DMD: variants seen among roughly 807,000 people sequenced by gnomAD.
DMD encodes the protein dystrophin.
A neutral mutation model predicts 330.1 loss-of-function variants in DMD; 63 were observed. That is an observed-to-expected ratio of 0.19 (90% CI 0.16 to 0.24). DMD has a LOEUF of 0.24. DMD is among the 10% of genes least tolerant of loss of function. The pLI is 1.00. For missense variants in DMD, 3,344 were observed against 2,684.1 expected, an observed-to-expected ratio of 1.25 and a Z score of -5.43; for synonymous variants, 1,223 against 959.8, an observed-to-expected ratio of 1.27 and a Z score of -5.07.
At chrX:32,518,527 C>A (rs1296505192) in intron 17 of DMD, among the ~76,000 whole-genome samples, 1 of 110,923 alleles carries the variant, frequency 9.0e-6, no homozygotes, top group Non-Finnish European at 1.9e-5. Flanking sequence ...ACATGCTTTT[C>A]TGTAGTCTCC....
At chrX:31,927,912 G>C (rs750240847) in intron 47 of DMD, among the ~76,000 whole-genome samples, 11 of 111,681 alleles carry the variant, frequency 9.8e-5, no homozygotes, top group South Asian at 7.4e-4. Flanking sequence ...ATCCTGGAAG[G>C]CTTTATGTAA....
At chrX:32,903,382 G>A (rs1189257304) in intron 2 of DMD, among the ~76,000 whole-genome samples, 7 of 110,039 alleles carry the variant, frequency 6.4e-5, no homozygotes, top group Non-Finnish European at 1.3e-4. Context: ...TACAGCAGAG[G>A]AGGCGAGGTA....
intron 9 of DMD, among the ~76,000 whole-genome samples, chrX:32,686,559 C>CAAAAAAAAAAAAAA (rs750534167): frequency 1.7e-4 from 5 of 28,573 alleles, no homozygotes; most frequent in African/African-American, 4.0e-4. Context: ...AACTCCATCT[C>CAAAAAAAAAAAAAA]AAAAAAAAAA....
chrX:32,335,992 GTGTATATATAACGTTATATATAAC>G (rs2097711242), intron 41 of DMD, among the ~76,000 whole-genome samples: 3 of 27,637 alleles, frequency 1.1e-4, no homozygotes, highest in Admixed American at 5.7e-4. Flanking sequence ...TATATATAAC[GTGTATATATAACGTTATATATAAC>G]GTGTATATAT....
At chrX:32,486,638 G>T (rs946365916) in intron 20 of DMD, among the ~76,000 whole-genome samples, 1 of 108,479 alleles carries the variant, frequency 9.2e-6, no homozygotes, top group Non-Finnish European at 1.9e-5. Flanking sequence ...GCATGGTACT[G>T]GTACCAAAAC....
intron 1 of DMD, among the ~76,000 whole-genome samples, chrX:33,160,254 G>A (rs2048706766): frequency 9.0e-6 from 1 of 111,616 alleles, no homozygotes; most frequent in Non-Finnish European, 1.9e-5. Flanking sequence ...AAATTATGGT[G>A]GGTTTATTGG....
chrX:32,247,983 T>C (rs990242291), intron 43 of DMD, among the ~76,000 whole-genome samples: 4 of 111,787 alleles, frequency 3.6e-5, no homozygotes, highest in African/African-American at 1.3e-4. Context: ...AAGATGTATA[T>C]TTAAATGAGA....
intron 48 of DMD, among the ~76,000 whole-genome samples, chrX:31,874,191 T>C (rs2093933947): frequency 1.8e-5 from 2 of 110,796 alleles, no homozygotes; most frequent in Non-Finnish European, 3.8e-5. Flanking sequence ...TGGAAGAAAA[T>C]TCATTATATC....
intron 1 of DMD, among the ~76,000 whole-genome samples, chrX:33,234,805 A>G (rs769333556): frequency 8.9e-6 from 1 of 111,813 alleles, no homozygotes; most frequent in African/African-American, 3.3e-5. Context: ...CTAAGTCAGA[A>G]GTCTATTGGG....
chrX:31,731,700 C>T (rs2086514868), intron 51 of DMD, among the ~76,000 whole-genome samples: 1 of 111,384 alleles, frequency 9.0e-6, no homozygotes, highest in Non-Finnish European at 1.9e-5. Flanking sequence ...TCGTGCTTTT[C>T]GATACTTGGA....
At chrX:32,945,752 C>CTTTTTCATAACTAAAAAGTATTGTATAT (rs2090761390) in intron 2 of DMD, among the ~76,000 whole-genome samples, 1 of 111,426 alleles carries the variant, frequency 9.0e-6, no homozygotes, top group African/African-American at 3.2e-5. Flanking sequence ...TTTATCAATA[C>CTTTTTCATAACTAAAAAGTATTGTATAT]TTTTTCATAA....
intron 63 of DMD, among the ~76,000 whole-genome samples, chrX:31,245,973 T>C (rs1225303778): frequency 8.9e-6 from 1 of 111,986 alleles, no homozygotes; most frequent in East Asian, 2.8e-4. Flanking sequence ...ATGATTGAGC[T>C]TAGTGAGGAA....
chrX:31,272,358 C>T (rs148216652), intron 62 of DMD, among the ~76,000 whole-genome samples: 1,519 of 112,004 alleles, frequency 0.014, 25 homozygotes, highest in African/African-American at 0.047. Context: ...GTATATGACC[C>T]ACACCACCTC....
chrX:32,999,777 AAAAC>A (rs1329091165), intron 2 of DMD, among the ~76,000 whole-genome samples: 8 of 99,636 alleles, frequency 8.0e-5, no homozygotes, highest in Admixed American at 5.6e-4. Context: ...CTCCATCTCA[AAAAC>A]AAAAACAAAA....
chrX:32,133,120 T>C (rs746628673), intron 44 of DMD, among the ~76,000 whole-genome samples: 1 of 107,509 alleles, frequency 9.3e-6, no homozygotes, highest in East Asian at 2.9e-4. Context: ...GCAATTCTTC[T>C]GCCTCAGCCT....
chrX:32,626,137 G>A (rs898552571), intron 11 of DMD, among the ~76,000 whole-genome samples: 1 of 112,047 alleles, frequency 8.9e-6, no homozygotes, highest in Non-Finnish European at 1.9e-5. Flanking sequence ...AACTAAAATT[G>A]TACTGATGAA....
chrX:32,873,724 T>G (rs751889025), intron 2 of DMD, among the ~76,000 whole-genome samples: 12 of 111,968 alleles, frequency 1.1e-4, no homozygotes, highest in Non-Finnish European at 2.1e-4. Context: ...TTACTAAAAA[T>G]TAGCCAAAAC....
At chrX:32,044,057 G>C (rs1262003925) in intron 44 of DMD, among the ~76,000 whole-genome samples, 1 of 111,811 alleles carries the variant, frequency 8.9e-6, no homozygotes, top group African/African-American at 3.3e-5. Flanking sequence ...ACTGGGAAGA[G>C]AGTATTTGCC....
intron 55 of DMD, among the ~76,000 whole-genome samples, chrX:31,603,816 T>C (rs1327736153): frequency 8.9e-6 from 1 of 111,794 alleles, no homozygotes; most frequent in African/African-American, 3.3e-5. Flanking sequence ...ATCTACAGGT[T>C]CCCTCCTAAG....
Sources: gnomAD v4.1 joint callset for allele counts (sites outside exome capture counted in the v4.1 genomes callset) on GRCh38, gnomAD v4.1.1 for gene constraint, MANE v1.5 for transcripts, NCBI Gene and HGNC (gene_info 2026-07-23, HGNC 2026-07-21) for gene names.